Variants in SLC3A2 observed in about 807,000 individuals in gnomAD.
SLC3A2 encodes amino acid transporter heavy chain SLC3A2.
In SLC3A2, 32 loss-of-function variants were observed where a neutral mutation model predicts 48.5. That is an observed-to-expected ratio of 0.66 (90% CI 0.50 to 0.89). The LOEUF is 0.89. Ranked by LOEUF, SLC3A2 falls within the 40% of genes least tolerant of loss-of-function variation. SLC3A2 has a pLI of 0.00. For synonymous variants in SLC3A2, 277 were observed against 288.8 expected, an observed-to-expected ratio of 0.96 and a Z score of 0.41; for missense variants, 587 against 680.7, an observed-to-expected ratio of 0.86 and a Z score of 1.53.
chr11:62,882,401 A>G (rs2085654182), intron 2 of SLC3A2: 2 of 305,148 alleles, frequency 6.6e-6, no homozygotes, highest in Non-Finnish European at 1.2e-5. Flanking sequence ...ACGACTCGAT[A>G]TAGACACATG....
At chr11:62,883,107 C>A in intron 3 of SLC3A2, 108 bp downstream of exon 3, 1 of 956,726 alleles carries the variant, frequency 1.0e-6, no homozygotes, top group Non-Finnish European at 1.7e-6. Flanking sequence ...GGTCCCTTTG[C>A]TCCTTAGGAC....
chr11:62,859,959 G>A (rs1287577065), intron 1 of SLC3A2, among the ~76,000 whole-genome samples: 1 of 152,126 alleles, frequency 6.6e-6, no homozygotes, highest in Non-Finnish European at 1.5e-5. Context: ...GGGGACTGGC[G>A]CTCAGCATAC....
At chr11:62,863,499 G>C (rs1320725833) in intron 1 of SLC3A2, among the ~76,000 whole-genome samples, 1 of 152,184 alleles carries the variant, frequency 6.6e-6, no homozygotes, top group South Asian at 2.1e-4. Context: ...CACTATACCT[G>C]GCCCAACATA....
At position 62,882,054 on chromosome 11, in the gene SLC3A2, GC is replaced by G; in HGVS notation, c.587del (p.Ala196ValfsTer34). On this transcript the variant is annotated frameshift_variant, in exon 2 of 9. Transcript: ENST00000338663. LOFTEE classifies it high-confidence loss of function. Reference sequence around the variant, plus strand: ...AGATTTTGACAGTCTCTTGCAATCGGCTAAAAAAAAGAGTGGGTATCCTGGG... The same window carrying G: ...AGATTTTGACAGTCTCTTGCAATCGGTAAAAAAAAGAGTGGGTATCCTGGG... ...KEDFDSLLQS[A>X]KKKSIRVILD... The G allele has an allele frequency of 1.2e-6, 2 of 1,613,882 alleles. No homozygotes were observed. The highest frequency in any genetic ancestry group is 1.7e-6 in the Non-Finnish European group (2 of 1,179,960).
intron 1 of SLC3A2, among the ~76,000 whole-genome samples, chr11:62,861,989 T>A (rs1383053617): frequency 2.0e-5 from 3 of 149,780 alleles, no homozygotes; most frequent in Non-Finnish European, 3.0e-5. Context: ...CCATTGTCTT[T>A]AAGCTATAGC....
At chr11:62,884,570 G>GA (rs2085682715) in intron 4 of SLC3A2, 45 bp downstream of exon 4, 1 of 1,613,860 alleles carries the variant, frequency 6.2e-7, no homozygotes, top group South Asian at 1.1e-5. Context: ...GGCGAGAACA[G>GA]AGGGACTCAG....
At chr11:62,864,366 GC>G (rs557648932) in intron 1 of SLC3A2, among the ~76,000 whole-genome samples, 20 of 151,354 alleles carry the variant, frequency 1.3e-4, no homozygotes, top group African/African-American at 4.9e-4. Context: ...TGGGCTCACT[GC>G]AACTTCCACC....
intron 5 of SLC3A2, 82 bp downstream of exon 5, chr11:62,884,772 C>A (rs2085685824): frequency 2.2e-6 from 2 of 899,750 alleles, no homozygotes; most frequent in Non-Finnish European, 3.2e-6. Context: ...AGGGGGGATT[C>A]CTAGTCTAGA....
chr11:62,868,991 C>T (rs1269870647), intron 1 of SLC3A2, among the ~76,000 whole-genome samples: 6 of 151,890 alleles, frequency 4.0e-5, no homozygotes, highest in Middle Eastern at 3.4e-3. Flanking sequence ...TTCTGCCTCC[C>T]GTGTTCAAGT....
chr11:62,868,977 C>A (rs924201126), intron 1 of SLC3A2, among the ~76,000 whole-genome samples: 2 of 151,978 alleles, frequency 1.3e-5, no homozygotes, highest in Non-Finnish European at 2.9e-5. Context: ...CAGTTCACTG[C>A]AACTTCTGCC....
chr11:62,878,901 A>C (rs2085599290), upstream of SLC3A2, among the ~76,000 whole-genome samples: 1 of 151,016 alleles, frequency 6.6e-6, no homozygotes, highest in South Asian at 2.1e-4. Flanking sequence ...CACCCCTCCA[A>C]GTCTGGGACT....
chr11:62,867,846 A>C (rs2085469860), intron 1 of SLC3A2, among the ~76,000 whole-genome samples: 1 of 151,880 alleles, frequency 6.6e-6, no homozygotes, highest in Non-Finnish European at 1.5e-5. Context: ...GGTTCTTTCA[A>C]ATTTAGTCAT....
intron 1 of SLC3A2, among the ~76,000 whole-genome samples, chr11:62,861,504 T>A (rs1428115404): frequency 6.6e-6 from 1 of 152,162 alleles, no homozygotes; most frequent in Non-Finnish European, 1.5e-5. Context: ...CAAGTGATTC[T>A]CCAGCCTTGG....
chr11:62,872,574 C>T (rs1365497618), intron 1 of SLC3A2, among the ~76,000 whole-genome samples: 5 of 152,154 alleles, frequency 3.3e-5, no homozygotes, highest in African/African-American at 9.6e-5. Flanking sequence ...GTCCAGCCTC[C>T]TTTTAAGAGA....
At chr11:62,886,911 T>A (rs2085721815) in intron 7 of SLC3A2, among the ~76,000 whole-genome samples, 1 of 152,056 alleles carries the variant, frequency 6.6e-6, no homozygotes, top group African/African-American at 2.4e-5. Flanking sequence ...AGCTAATTTT[T>A]AAAATTTGTA....
intron 1 of SLC3A2, among the ~76,000 whole-genome samples, chr11:62,857,272 C>T (rs1049399007): frequency 3.9e-5 from 6 of 152,150 alleles, no homozygotes; most frequent in Admixed American, 1.3e-4. Context: ...CAGGCTCCCG[C>T]CATCATCATG....
intron 1 of SLC3A2, among the ~76,000 whole-genome samples, chr11:62,859,960 C>T (rs2085380557): frequency 6.6e-6 from 1 of 152,156 alleles, no homozygotes; most frequent in African/African-American, 2.4e-5. Context: ...GGGACTGGCG[C>T]TCAGCATACG....
In SLC3A2 at chr11:62,883,003, AGTGTTGG is replaced by A; in HGVS notation, c.690+5_690+11del. On this transcript the variant is annotated splice_donor_5th_base_variant and intron_variant, in intron 3 of 8. Coordinates refer to ENST00000338663, the MANE Select transcript of SLC3A2 (RefSeq NM_001013251.3). Reference sequence around the variant, plus strand: ...CACTGTGGCCACCAAGGTGAAGGTGAGTGTTGGAGCTGATGGCTGGTGGAAGTCAGAT... The same window carrying A: ...CACTGTGGCCACCAAGGTGAAGGTGAAGCTGATGGCTGGTGGAAGTCAGAT... 1 of 1,613,744 alleles carries A rather than the reference AGTGTTGG, an allele frequency of 6.2e-7. No homozygotes were observed. Among genetic ancestry groups the A allele is most frequent in the Non-Finnish European group, 8.5e-7 (1 of 1,179,656 alleles).
chr11:62,882,536 G>C (rs1402518690), intron 2 of SLC3A2: 1 of 262,544 alleles, frequency 3.8e-6, no homozygotes, highest in Non-Finnish European at 7.5e-6. Context: ...CCAGGCTGCA[G>C]TGCAGTGGAA....
Sources: gnomAD v4.1 joint callset for allele counts (sites outside exome capture counted in the v4.1 genomes callset) on GRCh38, gnomAD v4.1.1 for gene constraint, MANE v1.5 for transcripts, NCBI Gene and HGNC (gene_info 2026-07-23, HGNC 2026-07-21) for gene names.